Variants in PIK3CB observed in about 807,000 individuals in gnomAD.
The protein encoded by PIK3CB is phosphatidylinositol 4,5-bisphosphate 3-kinase catalytic subunit beta isoform.
Under a neutral mutation model 136.8 loss-of-function variants are expected in PIK3CB, and 39 were observed. That is an observed-to-expected ratio of 0.29 (90% CI 0.22 to 0.37). The LOEUF (loss-of-function observed/expected upper bound fraction) is 0.37, where lower values mean the gene tolerates loss of function less well. Among genes scored for constraint, PIK3CB ranks in the 10% least tolerant of loss-of-function variants. PIK3CB has a pLI of 1.00. For missense variants in PIK3CB, 868 were observed against 1,275.4 expected, an observed-to-expected ratio of 0.68 and a Z score of 4.87; for synonymous variants, 428 against 436.6, an observed-to-expected ratio of 0.98 and a Z score of 0.25.
At chr3:138,700,014 C>T (rs1443854460) in intron 12 of PIK3CB, among the ~76,000 whole-genome samples, 1 of 151,932 alleles carries the variant, frequency 6.6e-6, no homozygotes, top group Non-Finnish European at 1.5e-5. Context: ...ACAGCCTGGG[C>T]AACAAAGTGA....
chr3:138,779,237 C>A (rs972184708), intron 2 of PIK3CB, among the ~76,000 whole-genome samples: 2 of 151,970 alleles, frequency 1.3e-5, no homozygotes, highest in Non-Finnish European at 2.9e-5. Context: ...AGGTACCCAC[C>A]ACCATGCCCG....
At chr3:138,771,519 C>T (rs867542038) in intron 2 of PIK3CB, among the ~76,000 whole-genome samples, 7 of 152,088 alleles carry the variant, frequency 4.6e-5, no homozygotes, top group Non-Finnish European at 1.0e-4. Flanking sequence ...GCGCCCGGCC[C>T]TAGAACTTCA....
chr3:138,754,023 G>A (rs750938949), intron 4 of PIK3CB, among the ~76,000 whole-genome samples: 1 of 152,096 alleles, frequency 6.6e-6, no homozygotes, highest in Non-Finnish European at 1.5e-5. Flanking sequence ...TCAAAATATT[G>A]TCGGTCAATA....
In PIK3CB at chr3:138,795,402, G is replaced by A. The variant is rs913742284; in HGVS notation, c.-17+1061C>T. 1.1e-4 allele frequency among the ~76,000 whole-genome samples: 16 copies of A among 144,566 alleles called. No homozygotes were observed. The East Asian group carries it at 1.5e-3, about 13-fold the overall frequency. 94.8% of individuals were successfully genotyped at this position (144,566 alleles called of 152,430 possible). The stretch of plus-strand genomic sequence containing the variant: ...ACCCAGCACTTTGGGAGGTTGAGGC[G>A]GGCAGATCACCTGAGGTCAGCAGTT... On this transcript the variant is annotated intron_variant, in intron 2 of 23. Coordinates refer to ENST00000674063, the MANE Select transcript of PIK3CB (RefSeq NM_006219.3).
intron 8 of PIK3CB, among the ~76,000 whole-genome samples, chr3:138,725,010 G>T (rs2044807102): frequency 6.6e-6 from 1 of 152,074 alleles, no homozygotes; most frequent in Non-Finnish European, 1.5e-5. Flanking sequence ...TACGGGGAAG[G>T]TGTGGGGGTA....
At chr3:138,746,539 T>C (rs1447021718) in intron 4 of PIK3CB, among the ~76,000 whole-genome samples, 1 of 152,006 alleles carries the variant, frequency 6.6e-6, no homozygotes, top group Non-Finnish European at 1.5e-5. Context: ...CGGGGACCTG[T>C]AGTCCCAGCT....
chr3:138,679,414 G>T (rs1020727762), intron 19 of PIK3CB, among the ~76,000 whole-genome samples: 3 of 151,972 alleles, frequency 2.0e-5, no homozygotes, highest in Non-Finnish European at 4.4e-5. Context: ...TCTCACCTTG[G>T]CCTTCCAAAA....
intron 16 of PIK3CB, among the ~76,000 whole-genome samples, chr3:138,686,470 AC>A (rs1392523606): frequency 6.6e-6 from 1 of 152,086 alleles, no homozygotes; most frequent in African/African-American, 2.4e-5. Flanking sequence ...AATAATAACA[AC>A]AAATAAAATT....
intron 2 of PIK3CB, among the ~76,000 whole-genome samples, chr3:138,760,551 G>A (rs1000306686): frequency 2.6e-5 from 4 of 152,112 alleles, no homozygotes; most frequent in East Asian, 3.9e-4. Flanking sequence ...GAACATGAGC[G>A]CTAAAGTTAA....
chr3:138,827,827 A>C (rs1158451121), intron 1 of PIK3CB, among the ~76,000 whole-genome samples: 3 of 146,384 alleles, frequency 2.0e-5, no homozygotes, highest in Non-Finnish European at 4.5e-5. Flanking sequence ...AAAAAATACA[A>C]AAAAAAAAAA....
chr3:138,700,305 C>A (rs1238003473), intron 12 of PIK3CB, among the ~76,000 whole-genome samples: 1 of 152,046 alleles, frequency 6.6e-6, no homozygotes, highest in Non-Finnish European at 1.5e-5. Context: ...AAGGAATAAA[C>A]TGAATATAAA....
At chr3:138,713,938 G>T (rs2044556943) in intron 9 of PIK3CB, among the ~76,000 whole-genome samples, 1 of 152,084 alleles carries the variant, frequency 6.6e-6, no homozygotes, top group Non-Finnish European at 1.5e-5. Flanking sequence ...AGTGGCCAGA[G>T]ATAACAAAAA....
Position 138,821,207 on chromosome 3 carries a change from C to T in PIK3CB, c.-122+13488G>A, listed in dbSNP as rs547219963. On this transcript the variant is annotated intron_variant, in intron 1 of 23. Coordinates refer to ENST00000674063, the MANE Select transcript of PIK3CB (RefSeq NM_006219.3). ...GGCTGAGGCAGGAGATCCCTTGAAC[C>T]CGGGAGTCGGAAGTTGCAGTGTGCC... Among the ~76,000 whole-genome samples, 12 of 152,068 alleles carry T rather than the reference C, an allele frequency of 7.9e-5. No individual in the cohort carries two copies. In the East Asian group the frequency reaches 2.3e-3, roughly 29 times the overall value.
chr3:138,751,692 G>A (rs913765007), intron 4 of PIK3CB, among the ~76,000 whole-genome samples: 19 of 151,718 alleles, frequency 1.3e-4, no homozygotes, highest in Middle Eastern at 3.4e-3. Flanking sequence ...AGACTAGGTC[G>A]GACATGGTGG....
At chr3:138,662,089 C>CT (rs900356836) in intron 21 of PIK3CB, among the ~76,000 whole-genome samples, 49 of 136,680 alleles carry the variant, frequency 3.6e-4, no homozygotes, top group Non-Finnish European at 2.9e-4. Flanking sequence ...TTCATCCCAA[C>CT]TTTTTTTTTT....
intron 2 of PIK3CB, among the ~76,000 whole-genome samples, chr3:138,794,777 G>C (rs1247413578): frequency 6.6e-6 from 1 of 152,184 alleles, no homozygotes; most frequent in Non-Finnish European, 1.5e-5. Context: ...GGGGGGAATT[G>C]TTTCCAGAAC....
At chr3:138,664,154 T>G in intron 20 of PIK3CB, 125 bp from the exon 21 acceptor site, 1 of 1,074,188 alleles carries the variant, frequency 9.3e-7, no homozygotes, top group Non-Finnish European at 1.3e-6. Flanking sequence ...CAAAACCGTA[T>G]GAGAGAACAT....
At chr3:138,831,522 G>A (rs1274048050) in intron 1 of PIK3CB, among the ~76,000 whole-genome samples, 1 of 151,910 alleles carries the variant, frequency 6.6e-6, no homozygotes, top group Non-Finnish European at 1.5e-5. Flanking sequence ...GGAGGCGGAG[G>A]TTGCAGTGAG....
chr3:138,803,025 T>A (rs968027231), intron 1 of PIK3CB, among the ~76,000 whole-genome samples: 2 of 151,942 alleles, frequency 1.3e-5, no homozygotes, highest in Non-Finnish European at 2.9e-5. Context: ...ATGCAAGAAG[T>A]AGAATAAAAG....
Sources: allele counts gnomAD v4.1 joint callset (sites outside exome capture counted in the v4.1 genomes callset), GRCh38; gene constraint gnomAD v4.1.1; transcripts MANE v1.5; gene names NCBI Gene and HGNC (gene_info 2026-07-23, HGNC 2026-07-21).